Variants in CORO6 observed in about 807,000 individuals in gnomAD.
CORO6 encodes coronin-6.
CORO6 carries 43 observed loss-of-function variants against 49.0 expected under a neutral mutation model. That is an observed-to-expected ratio of 0.88 (90% CI 0.69 to 1.13). CORO6 has a LOEUF of 1.13. Among genes scored for constraint, CORO6 ranks in the 50% most tolerant of loss-of-function variants. CORO6 has a pLI of 0.00. For missense variants in CORO6, 650 were observed against 647.0 expected (o/e 1.00, Z -0.05); for synonymous variants, 233 against 256.5 (o/e 0.91, Z 0.88).
rs2034814439 is a variant in CORO6 at position 29,615,534 on chromosome 17, G to A, written c.*198C>T. The A allele has an allele frequency of 1.7e-6, 1 of 582,404 alleles. No individual in the cohort carries two copies. Among genetic ancestry groups the A allele is most frequent in the Non-Finnish European group, 2.9e-6 (1 of 347,446 alleles). The allele number at this position is 582,404 out of a possible 1,614,324, so 36.1% of individuals were successfully genotyped here. On this transcript the variant is annotated 3_prime_UTR_variant, in exon 11 of 11. Transcript: ENST00000388767. ...TCCAGCCGAGTCCCAGACGAGGCTC[G>A]CAGTCCAGCCTCCGCTGGAGCGACG...
chr17:29,617,530 C>T lies in CORO6; in HGVS notation c.723G>A (p.Met241Ile), dbSNP rs1302553311. The change falls in exon 6 of 11, where the codon ATG becomes ATA. Residue 241 changes from methionine (M) to isoleucine (I), a missense_variant. By Grantham distance (10) the Met-to-Ile change is conservative. Coordinates refer to ENST00000388767, the MANE Select transcript of CORO6 (RefSeq NM_032854.4). ...GHIFTTGFTR[M>I]SQRELGLWDP... The stretch of plus-strand genomic sequence containing the variant: ...CCCACAGGCCCAGCTCTCGCTGGCT[C>T]ATGCGGGTGAAGCCCGTGGTGAAGA... 11 of 1,611,230 alleles carry T rather than the reference C, an allele frequency of 6.8e-6. No individual in the cohort carries two copies. The highest frequency in any genetic ancestry group is 1.7e-5 in the Admixed American group (1 of 59,984).
At chr17:29,619,604 C>T (rs569893234) in intron 3 of CORO6, 47 bp downstream of exon 3, 5 of 1,595,564 alleles carry the variant, frequency 3.1e-6, no homozygotes, top group African/African-American at 1.3e-5. Context: ...AGGCAGCCTT[C>T]CCTGCTCCCC....
At chr17:29,622,602 G>C (rs1040761804) in intron 1 of CORO6, 86 bp downstream of exon 1, 19 of 762,954 alleles carry the variant, frequency 2.5e-5, no homozygotes, top group East Asian at 1.2e-4. Context: ...TGGCGGCGCG[G>C]GGGGAGGAGG....
intron 5 of CORO6, chr17:29,617,875 C>T: frequency 1.4e-6 from 1 of 694,072 alleles, no homozygotes; most frequent in Non-Finnish European, 2.3e-6. Flanking sequence ...GCTCAAAGGC[C>T]GATCCCTAGA....
chr17:29,616,961 T>C lies in CORO6; in HGVS notation c.835A>G (p.Ser279Gly), dbSNP rs2034985285. Residue 279 changes from serine to glycine, a missense_variant, in exon 7 of 11, where the codon AGC becomes GGC. Transcript: ENST00000388767. The surrounding 1 kb of genome is among the most constrained non-coding windows in gnomAD (Gnocchi z 5.6). The stretch of plus-strand genomic sequence containing the variant: ...ACCTTGCCACACAGGTAGACGATGC[T>C]GGAGTCGGGATCGTAAAAGGGCAAT... ...VLLPFYDPDSSIVYLCGKGDS... is the reference protein window; with the variant it reads ...VLLPFYDPDSGIVYLCGKGDS... 3 of 1,613,804 alleles carry C rather than the reference T, an allele frequency of 1.9e-6. No homozygotes were observed. In the East Asian group the frequency reaches 6.7e-5, roughly 36 times the overall value.
chr17:29,616,955 C>T lies in CORO6; in HGVS notation c.841G>A (p.Val281Ile). 1 of 1,613,784 alleles carries T rather than the reference C, an allele frequency of 6.2e-7. No individual in the cohort carries two copies. The highest frequency in any genetic ancestry group is 8.5e-7 in the Non-Finnish European group (1 of 1,180,010). ...LPFYDPDSSI[V>I]YLCGKGDSSI... ...GTGAGCACCTTGCCACACAGGTAGA[C>T]GATGCTGGAGTCGGGATCGTAAAAG... The change falls in exon 7 of 11, where the codon GTC becomes ATC. Residue 281 changes from valine to isoleucine, a missense_variant. Transcript: ENST00000388767. The surrounding 1 kb of genome is among the most constrained non-coding windows in gnomAD (Gnocchi z 5.6).
intron 5 of CORO6, chr17:29,617,992 C>A (rs2035081625): frequency 7.3e-7 from 1 of 1,375,936 alleles, no homozygotes; most frequent in South Asian, 1.5e-5. Context: ...CGGGAAGGCG[C>A]TCCCGGCAGA....
At position 29,618,145 on chromosome 17, in the gene CORO6, C is replaced by T. The variant is rs867823429; in HGVS notation, c.634-526G>A. 3.7e-5 allele frequency: 52 copies of T among 1,397,558 alleles called. No homozygotes were observed. The Middle Eastern group carries it at 5.0e-3, about 135-fold the overall frequency. 86.6% of individuals were successfully genotyped at this position (1,397,558 alleles called of 1,614,324 possible). A position where few individuals can be genotyped will look rare whatever the true frequency, so the allele number is the denominator to read the frequency against. ...GAAGACAGCCCGCAGCGGGCGGGCG[C>T]CCTCGTGAGGCCGGGCTTGCTCCTG... On this transcript the variant is annotated intron_variant, in intron 5 of 10. Transcript: ENST00000388767.
chr17:29,621,122 TCTC>T lies in CORO6; in HGVS notation c.198+99_198+101del, dbSNP rs1259584572. ...GGAGGAGCCAATCCACACAGATGCTTCTCCTGACTATGGAATGGAACTAGGTGA... is the reference window on the plus strand; with the variant it reads ...GGAGGAGCCAATCCACACAGATGCTTCTGACTATGGAATGGAACTAGGTGA... On this transcript the variant is annotated intron_variant, in intron 2 of 10. Coordinates refer to ENST00000388767, the MANE Select transcript of CORO6 (RefSeq NM_032854.4). This position sits in a 1 kb window ranked among gnomAD's most constrained non-coding sequence, Gnocchi z 4.2. 2.6e-5 allele frequency: 37 copies of T among 1,438,888 alleles called. No individual in the cohort carries two copies. The highest frequency in any genetic ancestry group is 3.5e-5 in the Non-Finnish European group (37 of 1,055,556). The allele number at this position is 1,438,888 out of a possible 1,614,324, so 89.1% of individuals were successfully genotyped here.
At chr17:29,617,318 A>C (rs1353647071) in intron 6 of CORO6, 182 bp downstream of exon 6, 2 of 1,527,558 alleles carry the variant, frequency 1.3e-6, no homozygotes, top group Non-Finnish European at 1.7e-6. Context: ...CCAGCGCAGG[A>C]TCCTTCACGC....
In CORO6 at chr17:29,619,669, T is replaced by A. The variant is rs1367601507; in HGVS notation, c.303A>T (p.Ser101=). Residue 101 remains serine (S), a synonymous_variant, in exon 3 of 11, where the codon TCA becomes TCT. Coordinates refer to ENST00000388767, the MANE Select transcript of CORO6 (RefSeq NM_032854.4). ...CTCCTACCATGATGGTGGTGTCGTCTGAGGCACTGGCGATAACGTTGTCAT... is the reference window on the plus strand; with the variant it reads ...CTCCTACCATGATGGTGGTGTCGTCAGAGGCACTGGCGATAACGTTGTCAT... The part of the protein sequence containing the change: ...PHNDNVIASA[S]DDTTIMVWQI... 6.2e-7 allele frequency: 1 copy of A among 1,613,726 alleles called. No homozygotes were observed. The highest frequency in any genetic ancestry group is 1.1e-5 in the South Asian group (1 of 91,068).
chr17:29,615,552 G>T lies in CORO6; in HGVS notation c.*180C>A, dbSNP rs2034815075. 3.1e-6 allele frequency: 2 copies of T among 645,838 alleles called. No individual in the cohort carries two copies. Among genetic ancestry groups the T allele is most frequent in the East Asian group, 3.1e-5 (1 of 32,602 alleles). The allele number at this position is 645,838 out of a possible 1,614,324, so 40.0% of individuals were successfully genotyped here. A position where few individuals can be genotyped will look rare whatever the true frequency, so the allele number is the denominator to read the frequency against. ...GAGGCTCGCAGTCCAGCCTCCGCTG[G>T]AGCGACGTGGGTCTCCCCTAAGCTC... is the stretch of plus-strand genomic sequence containing the variant. On this transcript the variant is annotated 3_prime_UTR_variant, in exon 11 of 11. Coordinates refer to ENST00000388767, the MANE Select transcript of CORO6 (RefSeq NM_032854.4).
Position 29,622,724 on chromosome 17 carries a change from A to T in CORO6, c.-100T>A, listed in dbSNP as rs563825608. The T allele has an allele frequency of 3.9e-4, 504 of 1,307,494 alleles. No homozygotes were observed. The highest frequency in any genetic ancestry group is 7.3e-4 in the Admixed American group (32 of 43,856). The allele number at this position is 1,307,494 out of a possible 1,614,324, so 81.0% of individuals were successfully genotyped here. On this transcript the variant is annotated 5_prime_UTR_variant, in exon 1 of 11. Transcript: ENST00000388767. ...CGGGCTGCGGGGCGCTCACGCTGCG[A>T]ATCCTCTGCGGAAGGGGCCCGAGTG...
chr17:29,620,632 G>T (rs1408989788), intron 2 of CORO6, among the ~76,000 whole-genome samples: 1 of 152,158 alleles, frequency 6.6e-6, no homozygotes, highest in Non-Finnish European at 1.5e-5. Flanking sequence ...AGGGGCTTAA[G>T]GTTATGAAGC....
rs1158204879 is a variant in CORO6, at chr17:29,619,892, C to T, written c.199-119G>A. On this transcript the variant is annotated intron_variant, in intron 2 of 10. Transcript: ENST00000388767. ...CTATTTTCTCTTTGCAGATCCCTCT[C>T]TGCACTTCTAACCCCATCCAGTCCA... 14 of 883,118 alleles carry T rather than the reference C, an allele frequency of 1.6e-5. No individual in the cohort carries two copies. The East Asian group carries it at 3.3e-4, about 21-fold the overall frequency. 54.7% of individuals were successfully genotyped at this position (883,118 alleles called of 1,614,324 possible).
rs13723 is a variant in CORO6 at position 29,614,868 on chromosome 17, A to G, written c.*864T>C. 89,361 of 152,164 alleles carry G rather than the reference A, an allele frequency of 0.59. 28,817 individuals are homozygous for G. The highest frequency in any genetic ancestry group is 0.87 in the African/African-American group (36,036 of 41,510). The allele number at this position is 152,164 out of a possible 1,614,324, so 9.4% of individuals were successfully genotyped here. The stretch of plus-strand genomic sequence containing the variant: ...TCTAGGGTAAGAGGCTGCCTGATGG[A>G]CCCTGAGCCCAGGAGTGCATCGCCA... On this transcript the variant is annotated 3_prime_UTR_variant, in exon 11 of 11. Transcript: ENST00000388767.
chr17:29,616,854 A>T lies in CORO6; in HGVS notation c.859-7T>A. 6.2e-7 allele frequency: 1 copy of T among 1,612,828 alleles called. No individual in the cohort carries two copies. Among genetic ancestry groups the T allele is most frequent in the Non-Finnish European group, 8.5e-7 (1 of 1,179,302 alleles). On this transcript the variant is annotated splice_region_variant and splice_polypyrimidine_tract_variant and intron_variant, in intron 7 of 10. Transcript: ENST00000388767. This position sits in a 1 kb window ranked among gnomAD's most constrained non-coding sequence, Gnocchi z 5.6. ...ACCGAATGCTGCTGTCGCCCTGCAA[A>T]ATCAGTCGGTTCAGGGGCGCGCCCG...
rs540771017 is a variant in CORO6 at position 29,622,706 on chromosome 17, C to A, written c.-82G>T. On this transcript the variant is annotated 5_prime_UTR_variant, in exon 1 of 11. Transcript: ENST00000388767. ...TGGGTACCTGGTCCTGAGCGGGCTG[C>A]GGGGCGCTCACGCTGCGAATCCTCT... 1 of 1,280,270 alleles carries A rather than the reference C, an allele frequency of 7.8e-7. No individual in the cohort carries two copies. The highest frequency in any genetic ancestry group is 1.3e-5 in the South Asian group (1 of 76,924). 79.3% of individuals were successfully genotyped at this position (1,280,270 alleles called of 1,614,324 possible).
rs201624665 is a variant in CORO6, at chr17:29,619,656, T to A, written c.316A>T (p.Ile106Phe). Residue 106 changes from isoleucine (I) to phenylalanine (F), a missense_variant, in exon 3 of 11, where the codon ATC becomes TTC. Physicochemically the swap from Ile to Phe is conservative, Grantham distance 21 (BLOSUM62 0). Coordinates refer to ENST00000388767, the MANE Select transcript of CORO6 (RefSeq NM_032854.4). ...AGTAGCCACCTGGCTCCTACCATGA[T>A]GGTGGTGTCGTCTGAGGCACTGGCG... is the stretch of plus-strand genomic sequence containing the variant. ...VIASASDDTT[I>F]MVWQIPDYTP... The A allele has an allele frequency of 6.4e-5, 104 of 1,613,360 alleles. No homozygotes were observed. The highest frequency in any genetic ancestry group is 8.5e-5 in the Non-Finnish European group (100 of 1,179,774).
Sources: gnomAD v4.1 joint callset for allele counts (sites outside exome capture counted in the v4.1 genomes callset) on GRCh38, gnomAD v4.1.1 for gene constraint, Gnocchi (gnomAD v3.1) non-coding constraint, MANE v1.5 for transcripts, NCBI Gene and HGNC (gene_info 2026-07-23, HGNC 2026-07-21) for gene names.